The following DTD1 variants were observed in gnomAD, a reference collection of about 807,000 sequenced individuals.
DTD1 encodes the protein D-tyrosyl-tRNA deacylase 1 homolog.
In DTD1, 13 loss-of-function variants were observed where a neutral mutation model predicts 25.6. The ratio of observed to expected loss-of-function variants is 0.51; its 90% CI spans 0.33 to 0.81. The LOEUF is 0.81. Among genes scored for constraint, DTD1 ranks in the 30% least tolerant of loss-of-function variants. The probability of loss-of-function intolerance (pLI) is 0.02; values close to 1 mark genes in which losing one functional copy is unlikely to be tolerated. For synonymous variants in DTD1, 110 were observed against 103.6 expected, an observed-to-expected ratio of 1.06 and a Z score of -0.37; for missense variants, 193 against 266.4, an observed-to-expected ratio of 0.72 and a Z score of 1.92.
At chr20:18,608,626 G>A (rs2060672901) in intron 3 of DTD1, among the ~76,000 whole-genome samples, 1 of 152,090 alleles carries the variant, frequency 6.6e-6, no homozygotes. Flanking sequence ...TAAGAATTTT[G>A]TAATAAGTCT....
chr20:18,607,888 A>C (rs747993089), intron 3 of DTD1, among the ~76,000 whole-genome samples: 11 of 151,620 alleles, frequency 7.3e-5, no homozygotes, highest in African/African-American at 2.4e-4. Context: ...TAATTTTTGT[A>C]TTTTTAGTAG....
intron 4 of DTD1, among the ~76,000 whole-genome samples, chr20:18,657,953 C>T (rs1230208785): frequency 6.6e-6 from 1 of 152,068 alleles, no homozygotes; most frequent in African/African-American, 2.4e-5. Flanking sequence ...CAGAGGTCAG[C>T]CTTACTCAGT....
intron 4 of DTD1, among the ~76,000 whole-genome samples, chr20:18,678,587 A>G (rs2060984939): frequency 6.6e-6 from 1 of 152,246 alleles, no homozygotes; most frequent in Non-Finnish European, 1.5e-5. Flanking sequence ...AACATATCAG[A>G]AATACACTTT....
At chr20:18,684,970 T>C (rs2061011090) in intron 4 of DTD1, among the ~76,000 whole-genome samples, 1 of 151,934 alleles carries the variant, frequency 6.6e-6, no homozygotes, top group Admixed American at 6.6e-5. Flanking sequence ...GCAATGATCA[T>C]AGTTCACTGT....
At chr20:18,718,742 A>G (rs2061191364) in intron 4 of DTD1, among the ~76,000 whole-genome samples, 1 of 152,216 alleles carries the variant, frequency 6.6e-6, no homozygotes, top group Non-Finnish European at 1.5e-5. Context: ...TCTTAAAAAG[A>G]GATTGGCTTG....
intron 3 of DTD1, among the ~76,000 whole-genome samples, chr20:18,610,216 A>T (rs947821504): frequency 4.6e-5 from 7 of 152,292 alleles, no homozygotes; most frequent in Middle Eastern, 3.4e-3. Context: ...TTTAAAGAGG[A>T]TAGTTTATTA....
At chr20:18,755,351 T>C (rs988875054) in intron 5 of DTD1, among the ~76,000 whole-genome samples, 2 of 152,194 alleles carry the variant, frequency 1.3e-5, no homozygotes, top group Admixed American at 6.5e-5. Context: ...ACATGTGCCA[T>C]GTTGGTATGC....
intron 4 of DTD1, among the ~76,000 whole-genome samples, chr20:18,701,765 A>G (rs6075399): frequency 0.13 from 19,375 of 152,258 alleles, 1,590 homozygotes; most frequent in South Asian, 0.18. Flanking sequence ...TAACTGACAC[A>G]TGAATGTTCT....
rs2122490863 is a variant in DTD1, at chr20:18,719,990, C to A, written c.478-24110C>A. ...GGGGTGCAGTTTTTAAGATTCCTTACAGAACAAACAGATAATGATTTTCTT... is the reference window on the plus strand; with the variant it reads ...GGGGTGCAGTTTTTAAGATTCCTTAAAGAACAAACAGATAATGATTTTCTT... On this transcript the variant is annotated intron_variant, in intron 4 of 5. Transcript: ENST00000377452. 1.3e-5 allele frequency among the ~76,000 whole-genome samples: 2 copies of A among 152,306 alleles called. 1 individual carries two copies. Among genetic ancestry groups the A allele is most frequent in the South Asian group, 4.1e-4 (2 of 4,824 alleles).
chr20:18,708,241 TATAATATATATTA>T (rs2061137593), intron 4 of DTD1, among the ~76,000 whole-genome samples: 2 of 2,306 alleles, frequency 8.7e-4, no homozygotes, highest in Non-Finnish European at 2.9e-3. Context: ...TTTATATATA[TATAATATATATTA>T]TATATATATT....
chr20:18,631,552 G>A (rs756778506), intron 4 of DTD1: 14 of 985,416 alleles, frequency 1.4e-5, no homozygotes, highest in Non-Finnish European at 1.7e-5. Context: ...CTTCTGCTCT[G>A]CCACAGTGTC....
intron 3 of DTD1, among the ~76,000 whole-genome samples, chr20:18,608,367 C>G (rs1195107419): frequency 8.4e-6 from 1 of 119,104 alleles, no homozygotes; most frequent in Non-Finnish European, 1.8e-5. Context: ...GATTTGTGCT[C>G]TATTTTTTTT....
chr20:18,609,006 A>AT (rs557594213), intron 3 of DTD1, among the ~76,000 whole-genome samples: 1 of 151,252 alleles, frequency 6.6e-6, no homozygotes, highest in South Asian at 2.1e-4. Context: ...TAAGAAAAAA[A>AT]TTTTTTTTTT....
chr20:18,696,657 T>C (rs9680087), intron 4 of DTD1, among the ~76,000 whole-genome samples: 54,935 of 151,786 alleles, frequency 0.36, 10,253 homozygotes, highest in Non-Finnish European at 0.41. Context: ...CGGGTTCAAG[T>C]GATTCTCCTT....
chr20:18,738,430 G>A (rs2061265069), intron 4 of DTD1, among the ~76,000 whole-genome samples: 1 of 152,184 alleles, frequency 6.6e-6, no homozygotes, highest in Admixed American at 6.5e-5. Flanking sequence ...AAGGAGCCTG[G>A]TTGCCTCCCC....
intron 4 of DTD1, among the ~76,000 whole-genome samples, chr20:18,658,049 G>A (rs543567927): frequency 6.6e-6 from 1 of 152,328 alleles, no homozygotes; most frequent in South Asian, 2.1e-4. Flanking sequence ...CAGTGGGAGA[G>A]AGAAGTGGCA....
At chr20:18,672,402 A>G (rs1033350045) in intron 4 of DTD1, among the ~76,000 whole-genome samples, 1 of 152,052 alleles carries the variant, frequency 6.6e-6, no homozygotes, top group Non-Finnish European at 1.5e-5. Context: ...CTTGTTTCAC[A>G]TGCCATAGCT....
chr20:18,639,169 GT>G (rs146998838), intron 4 of DTD1, among the ~76,000 whole-genome samples: 8 of 124,244 alleles, frequency 6.4e-5, no homozygotes, highest in East Asian at 4.9e-4. Flanking sequence ...TTGTTTGATG[GT>G]TTTTTTTTTA....
chr20:18,618,201 T>C (rs1363851514), intron 3 of DTD1, among the ~76,000 whole-genome samples: 1 of 152,228 alleles, frequency 6.6e-6, no homozygotes, highest in African/African-American at 2.4e-5. Context: ...TGGCAGAGTG[T>C]ATTTTGAACT....
Sources: gnomAD v4.1 joint callset for allele counts (sites outside exome capture counted in the v4.1 genomes callset) on GRCh38, gnomAD v4.1.1 for gene constraint, MANE v1.5 for transcripts, NCBI Gene and HGNC (gene_info 2026-07-23, HGNC 2026-07-21) for gene names.